The following CACNA2D3 variants were observed in gnomAD, a reference collection of about 807,000 sequenced individuals.
The protein encoded by CACNA2D3 is calcium voltage-gated channel auxiliary subunit alpha2delta 3, also known as voltage-dependent calcium channel subunit alpha-2/delta-3.
In CACNA2D3, 60 loss-of-function variants were observed where a neutral mutation model predicts 160.6. That is an observed-to-expected ratio of 0.37 (90% CI 0.30 to 0.46). The LOEUF is 0.46. Among genes scored for constraint, CACNA2D3 ranks in the 20% least tolerant of loss-of-function variants. The pLI is 1.00. For synonymous variants in CACNA2D3, 558 were observed against 492.9 expected (o/e 1.13, Z -1.75); for missense variants, 1,205 against 1,365.0 (o/e 0.88, Z 1.85).
intron 27 of CACNA2D3, among the ~76,000 whole-genome samples, chr3:54,940,107 C>A (rs975982329): frequency 6.6e-6 from 1 of 152,180 alleles, no homozygotes; most frequent in African/African-American, 2.4e-5. Context: ...CAGGAAAAAA[C>A]CACACACTCA....
At chr3:54,581,975 C>A in intron 9 of CACNA2D3, 98 bp downstream of exon 9, 1 of 975,682 alleles carries the variant, frequency 1.0e-6, no homozygotes, top group South Asian at 1.7e-5. Flanking sequence ...ATGCACTGCC[C>A]TTTCATTGAG....
At chr3:54,360,781 A>G (rs1460668939) in intron 3 of CACNA2D3, among the ~76,000 whole-genome samples, 1 of 152,150 alleles carries the variant, frequency 6.6e-6, no homozygotes, top group Non-Finnish European at 1.5e-5. Context: ...GTGATGATAA[A>G]ATATGTGCCC....
At chr3:54,779,708 C>CT (rs1386417487) in intron 13 of CACNA2D3, among the ~76,000 whole-genome samples, 3 of 152,200 alleles carry the variant, frequency 2.0e-5, no homozygotes, top group African/African-American at 7.2e-5. Flanking sequence ...TGCTGCTCTG[C>CT]TTCTCTACTG....
chr3:54,462,134 C>G (rs1700517171), intron 4 of CACNA2D3, among the ~76,000 whole-genome samples: 1 of 152,098 alleles, frequency 6.6e-6, no homozygotes, highest in Non-Finnish European at 1.5e-5. Flanking sequence ...GCACTGTGGT[C>G]TGAGAGACAG....
At chr3:55,034,081 A>T (rs1465040646) in intron 35 of CACNA2D3, among the ~76,000 whole-genome samples, 2 of 151,418 alleles carry the variant, frequency 1.3e-5, no homozygotes, top group African/African-American at 4.8e-5. Context: ...AGAAGAATTG[A>T]TGAGTCAAAG....
At chr3:54,975,030 C>A (rs1229902970) in intron 29 of CACNA2D3, among the ~76,000 whole-genome samples, 1 of 152,164 alleles carries the variant, frequency 6.6e-6, no homozygotes, top group African/African-American at 2.4e-5. Context: ...TGGACTCTAG[C>A]TAATTCTGTC....
intron 31 of CACNA2D3, among the ~76,000 whole-genome samples, chr3:54,988,233 G>A (rs570215799): frequency 2.0e-5 from 3 of 152,190 alleles, no homozygotes; most frequent in Admixed American, 6.5e-5. Context: ...CTTGATGGAG[G>A]TAAGTTTAAG....
At chr3:54,842,650 G>T (rs565044529) in intron 16 of CACNA2D3, among the ~76,000 whole-genome samples, 1 of 150,488 alleles carries the variant, frequency 6.6e-6, no homozygotes, top group South Asian at 2.1e-4. Flanking sequence ...ACCCAGGCTG[G>T]AGTACCGTGG....
At chr3:54,836,226 C>CTTTTTTTTTTTTTTTTTTTTTT (rs71096454) in intron 14 of CACNA2D3, among the ~76,000 whole-genome samples, 1 of 92,704 alleles carries the variant, frequency 1.1e-5, no homozygotes, top group Non-Finnish European at 2.3e-5. Flanking sequence ...TTTTTTTTTT[C>CTTTTTTTTTTTTTTTTTTTTTT]TTTTTTTTTT....
At chr3:54,795,480 C>G (rs2106657732) in intron 13 of CACNA2D3, among the ~76,000 whole-genome samples, 1 of 152,166 alleles carries the variant, frequency 6.6e-6, no homozygotes, top group Admixed American at 6.5e-5. Flanking sequence ...TGATGGTGGG[C>G]ATTATGTTTC....
intron 27 of CACNA2D3, among the ~76,000 whole-genome samples, chr3:54,911,890 A>C (rs1447104742): frequency 6.6e-6 from 1 of 152,216 alleles, no homozygotes; most frequent in Non-Finnish European, 1.5e-5. Context: ...AATGCCTTAA[A>C]GCTACAGACA....
At chr3:54,892,764 G>A (rs563710514) in intron 25 of CACNA2D3, among the ~76,000 whole-genome samples, 1 of 152,128 alleles carries the variant, frequency 6.6e-6, no homozygotes, top group African/African-American at 2.4e-5. Flanking sequence ...GTCTGCTGCT[G>A]GCATTGAGAC....
chr3:54,427,221 G>A (rs1387974074), intron 4 of CACNA2D3, among the ~76,000 whole-genome samples: 1 of 152,144 alleles, frequency 6.6e-6, no homozygotes, highest in Non-Finnish European at 1.5e-5. Context: ...GGTTATCTGT[G>A]CGTATCTGTT....
intron 13 of CACNA2D3, among the ~76,000 whole-genome samples, chr3:54,803,310 G>A (rs1421322800): frequency 6.6e-6 from 1 of 152,018 alleles, no homozygotes; most frequent in Admixed American, 6.5e-5. Context: ...TGAAAACTTT[G>A]AAAAAAATTT....
chr3:54,139,731 C>G (rs183225830), intron 2 of CACNA2D3, among the ~76,000 whole-genome samples: 1 of 152,110 alleles, frequency 6.6e-6, no homozygotes, highest in Admixed American at 6.5e-5. Context: ...GACTAAATGA[C>G]GTTAATTGCT....
chr3:54,309,732 G>A (rs544188558), intron 2 of CACNA2D3, among the ~76,000 whole-genome samples: 6 of 151,270 alleles, frequency 4.0e-5, no homozygotes, highest in South Asian at 2.1e-4. Context: ...CGTTCCTCCC[G>A]TCTAGCTGGA....
chr3:54,182,687 T>A (rs1408138967), intron 2 of CACNA2D3, among the ~76,000 whole-genome samples: 1 of 152,208 alleles, frequency 6.6e-6, no homozygotes, highest in East Asian at 1.9e-4. Flanking sequence ...TGTGGCTGAG[T>A]GCTCTGCACT....
At chr3:54,701,223 A>G (rs1444311877) in intron 11 of CACNA2D3, among the ~76,000 whole-genome samples, 1 of 152,212 alleles carries the variant, frequency 6.6e-6, no homozygotes, top group Admixed American at 6.5e-5. Context: ...CACTCCACCA[A>G]AAAAGATCAT....
chr3:54,906,580 G>A (rs966923357), intron 27 of CACNA2D3, among the ~76,000 whole-genome samples: 4 of 152,308 alleles, frequency 2.6e-5, no homozygotes, highest in Admixed American at 2.0e-4. Context: ...CATATTCCAC[G>A]TGGGTGCTGT....
Sources: gnomAD v4.1 joint callset for allele counts (sites outside exome capture counted in the v4.1 genomes callset) on GRCh38, gnomAD v4.1.1 for gene constraint, MANE v1.5 for transcripts, NCBI Gene and HGNC (gene_info 2026-07-23, HGNC 2026-07-21) for gene names.